TLE4: variants seen among roughly 807,000 people sequenced by gnomAD.
TLE4 encodes transducin-like enhancer protein 4.
Under a neutral mutation model 92.8 loss-of-function variants are expected in TLE4, and 8 were observed. The ratio of observed to expected loss-of-function variants is 0.09; its 90% CI spans 0.05 to 0.16. The LOEUF is 0.16. Among genes scored for constraint, TLE4 ranks in the 10% least tolerant of loss-of-function variants. The probability of loss-of-function intolerance (pLI) is 1.00; values close to 1 mark genes in which losing one functional copy is unlikely to be tolerated. For synonymous variants in TLE4, 371 were observed against 374.1 expected, an observed-to-expected ratio of 0.99 and a Z score of 0.10; for missense variants, 675 against 997.6, an observed-to-expected ratio of 0.68 and a Z score of 4.36.
chr9:79,601,521 A>G (rs186743719), intron 4 of TLE4: 2 of 452,878 alleles, frequency 4.4e-6, no homozygotes, highest in Admixed American at 4.7e-5. Flanking sequence ...TAACTCTCAC[A>G]ATGTTTCAAA....
chr9:79,658,850 C>T (rs776024718), intron 8 of TLE4, among the ~76,000 whole-genome samples: 2 of 152,170 alleles, frequency 1.3e-5, no homozygotes, highest in Non-Finnish European at 2.9e-5. Flanking sequence ...CCACAGAACA[C>T]TAAAGAGTGT....
chr9:79,679,209 A>G (rs1414752168), intron 8 of TLE4, among the ~76,000 whole-genome samples: 1 of 152,080 alleles, frequency 6.6e-6, no homozygotes, highest in Admixed American at 6.6e-5. Flanking sequence ...TGACTTCCAC[A>G]ATGGTTGAAC....
chr9:79,649,730 C>CT, intron 6 of TLE4: 2 of 1,129,360 alleles, frequency 1.8e-6, no homozygotes, highest in South Asian at 2.7e-5. Context: ...GGAAGCCTTA[C>CT]TGTGAATGTC....
chr9:79,718,046 A>T, intron 14 of TLE4: 1 of 456,624 alleles, frequency 2.2e-6, no homozygotes. Context: ...TGAACTGGAG[A>T]TGGAACTGCC....
At chr9:79,611,426 T>A (rs895284294) in intron 4 of TLE4, among the ~76,000 whole-genome samples, 2 of 152,042 alleles carry the variant, frequency 1.3e-5, no homozygotes, top group Non-Finnish European at 2.9e-5. Flanking sequence ...GTTTTTAAGG[T>A]GCTGGCATTT....
At chr9:79,691,854 CA>C (rs1415181105) in intron 8 of TLE4, among the ~76,000 whole-genome samples, 1 of 152,150 alleles carries the variant, frequency 6.6e-6, no homozygotes, top group Non-Finnish European at 1.5e-5. Flanking sequence ...TTGCCATTCG[CA>C]TTTATTTTAT....
intron 8 of TLE4, among the ~76,000 whole-genome samples, chr9:79,666,858 C>G (rs1006131030): frequency 2.3e-4 from 35 of 152,302 alleles, no homozygotes; most frequent in Admixed American, 8.5e-4. Flanking sequence ...ACCTGTTGGG[C>G]CTACCCAGGG....
intron 6 of TLE4, among the ~76,000 whole-genome samples, chr9:79,636,224 G>A (rs1481941806): frequency 6.6e-6 from 1 of 152,058 alleles, no homozygotes; most frequent in East Asian, 1.9e-4. Context: ...CGCTACTCGG[G>A]AGGCTACTGG....
intron 4 of TLE4, among the ~76,000 whole-genome samples, chr9:79,592,273 T>C (rs2042879602): frequency 6.9e-6 from 1 of 145,972 alleles, no homozygotes; most frequent in Non-Finnish European, 1.5e-5. Flanking sequence ...CTTCTTCTTC[T>C]TCTTTTTTTT....
chr9:79,716,091 G>A (rs1455746066), intron 14 of TLE4, among the ~76,000 whole-genome samples: 2 of 152,166 alleles, frequency 1.3e-5, no homozygotes, highest in Non-Finnish European at 2.9e-5. Context: ...GACGTTAACT[G>A]AATCATGTCA....
intron 14 of TLE4, among the ~76,000 whole-genome samples, chr9:79,713,071 C>T (rs1036771285): frequency 6.6e-6 from 1 of 152,180 alleles, no homozygotes; most frequent in Admixed American, 6.5e-5. Context: ...AATTTTCTAT[C>T]GTATTTCAAT....
chr9:79,573,785 A>G lies in TLE4; in HGVS notation c.142A>G (p.Ser48Gly). The change falls in exon 2 of 20, where the codon AGT becomes GGT. Residue 48 changes from serine (S) to glycine (G), a missense_variant and splice_region_variant. This residue lies in a region of TLE4 where 68 missense variants were observed against 141.2 expected (regional missense o/e 0.48). Transcript: ENST00000376552. ...TCAGTTTTTACAGGCTCAATACCAC[A>G]GGTAACGATATTGACTTTAGCTGAT... ...EFQFLQAQYH[S>G]LKLECEKLAS... The G allele has an allele frequency of 6.3e-7, 1 of 1,584,296 alleles. No homozygotes were observed. The highest frequency in any genetic ancestry group is 1.7e-4 in the Middle Eastern group (1 of 5,906).
At chr9:79,639,252 C>T (rs1172217295) in intron 6 of TLE4, among the ~76,000 whole-genome samples, 1 of 151,960 alleles carries the variant, frequency 6.6e-6, no homozygotes, top group African/African-American at 2.4e-5. Flanking sequence ...ATAAAAATTC[C>T]TTTAAAAAAA....
At chr9:79,714,167 T>A (rs1300255578) in intron 14 of TLE4, among the ~76,000 whole-genome samples, 1 of 152,144 alleles carries the variant, frequency 6.6e-6, no homozygotes, top group Non-Finnish European at 1.5e-5. Context: ...CAGGAATAAT[T>A]GTTTTTAATT....
intron 8 of TLE4, among the ~76,000 whole-genome samples, chr9:79,667,032 A>G (rs2061508595): frequency 6.6e-6 from 1 of 152,210 alleles, no homozygotes; most frequent in Non-Finnish European, 1.5e-5. Context: ...GTGGGTCCTC[A>G]CGTATTTTCT....
chr9:79,634,720 A>C (rs2055245771), intron 6 of TLE4, among the ~76,000 whole-genome samples: 1 of 152,084 alleles, frequency 6.6e-6, no homozygotes, highest in South Asian at 2.1e-4. Context: ...CCTTTTTGAC[A>C]ATGTCATGTA....
chr9:79,683,166 G>T (rs139997823), intron 8 of TLE4, among the ~76,000 whole-genome samples: 1 of 152,214 alleles, frequency 6.6e-6, no homozygotes, highest in South Asian at 2.1e-4. Flanking sequence ...GACCTTTGAT[G>T]TAGACCATCA....
intron 3 of TLE4, among the ~76,000 whole-genome samples, chr9:79,575,421 A>G (rs375397552): frequency 1.3e-5 from 2 of 151,926 alleles, no homozygotes; most frequent in Admixed American, 6.6e-5. Flanking sequence ...CATTTTTCAA[A>G]TTTTTTTCTC....
In TLE4 at chr9:79,720,056, A is replaced by G; in HGVS notation, c.1601A>G (p.Asn534Ser). Residue 534 changes from asparagine (N) to serine (S), a missense_variant, in exon 16 of 20, where the codon AAC becomes AGC. Physicochemically the swap from Asn to Ser is conservative, Grantham distance 46. Around this residue, in one of 5 missense-constraint regions of TLE4, gnomAD observed 170 missense variants for 359.6 expected, o/e 0.47. Transcript: ENST00000376552. ...TTTTTGTCTCTACAGAACAGGGATAACTACATCCGTTCCTGCAGATTGCTC... is the reference window on the plus strand; with the variant it reads ...TTTTTGTCTCTACAGAACAGGGATAGCTACATCCGTTCCTGCAGATTGCTC... The part of the protein sequence containing the change: ...VSQLDCLNRD[N>S]YIRSCRLLPD... 1.2e-6 allele frequency: 2 copies of G among 1,611,182 alleles called. No individual in the cohort carries two copies.
Sources: gnomAD v4.1 joint callset for allele counts (sites outside exome capture counted in the v4.1 genomes callset) on GRCh38, gnomAD v4.1.1 for gene constraint, gnomAD v4.1.1 regional missense constraint, MANE v1.5 for transcripts, NCBI Gene and HGNC (gene_info 2026-07-23, HGNC 2026-07-21) for gene names.